The following C1orf87 variants were observed in gnomAD, a reference collection of about 807,000 sequenced individuals.
The protein encoded by C1orf87 is chromosome 1 open reading frame 87, also known as uncharacterized protein C1orf87.
Under a neutral mutation model 60.5 loss-of-function variants are expected in C1orf87, and 58 were observed. That is an observed-to-expected ratio of 0.96 (90% CI 0.78 to 1.19). C1orf87 has a LOEUF of 1.19. Among genes scored for constraint, C1orf87 ranks in the 50% most tolerant of loss-of-function variants. C1orf87 has a pLI of 0.00. For missense variants in C1orf87, 673 were observed against 638.6 expected (o/e 1.05, Z -0.58); for synonymous variants, 236 against 227.4 (o/e 1.04, Z -0.34).
At chr1:60,026,534 G>C (rs1176754031) in intron 7 of C1orf87, among the ~76,000 whole-genome samples, 1 of 151,408 alleles carries the variant, frequency 6.6e-6, no homozygotes, top group East Asian at 1.9e-4. Flanking sequence ...AGAAATGGAA[G>C]AAGGAAGAAG....
rs566987403 is a variant in C1orf87 at position 60,018,582 on chromosome 1, C to T, written c.1127+6819G>A. ...TACAGGTATAATGTGAGCTTTGATA[C>T]TTGCTTTTTCTTCCTTTAGATTGGT... is the stretch of plus-strand genomic sequence containing the variant. On this transcript the variant is annotated intron_variant, in intron 8 of 11. Transcript: ENST00000371201. Among the ~76,000 whole-genome samples the T allele has an allele frequency of 3.9e-5, 6 of 152,276 alleles. No individual in the cohort carries two copies. The South Asian group carries it at 1.2e-3, about 32-fold the overall frequency.
At position 60,055,428 on chromosome 1, in the gene C1orf87, C is replaced by A; in HGVS notation, c.118G>T (p.Asp40Tyr). Residue 40 changes from aspartate to tyrosine, a missense_variant, in exon 3 of 12, where the codon GAC (aspartate) becomes TAC (tyrosine). Coordinates refer to ENST00000371201, the MANE Select transcript of C1orf87 (RefSeq NM_152377.3). ...LVEKPKIKEN[D>Y]SLKTETQTMH... ...GTTTGGGTTTCTGTTTTCAAGCTGT[C>A]ATTCTCCTTGCTGTGAAGAAAGAAT... 1 of 1,613,860 alleles carries A rather than the reference C, an allele frequency of 6.2e-7. No homozygotes were observed. The highest frequency in any genetic ancestry group is 1.1e-5 in the South Asian group (1 of 91,062).
chr1:60,068,877 A>G (rs191241403), intron 2 of C1orf87, among the ~76,000 whole-genome samples: 8 of 152,286 alleles, frequency 5.3e-5, no homozygotes, highest in African/African-American at 9.6e-5. Flanking sequence ...CATGTTACTC[A>G]TCAGGATTGC....
chr1:60,056,763 A>G (rs1426297084), intron 2 of C1orf87, among the ~76,000 whole-genome samples: 3 of 152,232 alleles, frequency 2.0e-5, no homozygotes, highest in Admixed American at 6.5e-5. Context: ...ATAGGAAAAT[A>G]CTATTCTATA....
intron 8 of C1orf87, among the ~76,000 whole-genome samples, chr1:60,023,938 A>G (rs1298432158): frequency 1.3e-5 from 2 of 152,124 alleles, no homozygotes; most frequent in African/African-American, 4.8e-5. Context: ...GTTGCAGGGG[A>G]GAAGACATTG....
intron 11 of C1orf87, among the ~76,000 whole-genome samples, chr1:59,995,688 C>A (rs1644958945): frequency 6.6e-6 from 1 of 152,182 alleles, no homozygotes; most frequent in African/African-American, 2.4e-5. Flanking sequence ...AGCCTCATTT[C>A]ATACCTTCAC....
chr1:60,032,694 G>A (rs1026283908), intron 7 of C1orf87, among the ~76,000 whole-genome samples: 3 of 151,802 alleles, frequency 2.0e-5, no homozygotes, highest in African/African-American at 2.4e-5. Context: ...CTGCCTCGGC[G>A]TCCCAAAGTG....
Position 60,027,883 on chromosome 1 carries a change from C to T in C1orf87, c.1030-2385G>A, listed in dbSNP as rs150217875. ...ATATATTTTGACATTATCTGTTCTG[C>T]TATCATACCCCTTTCCAGGCTGGGC... On this transcript the variant is annotated intron_variant, in intron 7 of 11. Coordinates refer to ENST00000371201, the MANE Select transcript of C1orf87 (RefSeq NM_152377.3). Among the ~76,000 whole-genome samples, 7 of 152,244 alleles carry T rather than the reference C, an allele frequency of 4.6e-5. No homozygotes were observed. In the East Asian group the frequency reaches 1.4e-3, roughly 29 times the overall value.
chr1:59,998,445 T>C (rs1471670209), intron 10 of C1orf87, among the ~76,000 whole-genome samples: 2 of 131,056 alleles, frequency 1.5e-5, no homozygotes, highest in Non-Finnish European at 3.2e-5. Context: ...ATTGCCAGTA[T>C]AAAATAGAGG....
At chr1:60,009,307 G>A (rs954902408) in intron 9 of C1orf87, among the ~76,000 whole-genome samples, 1 of 150,094 alleles carries the variant, frequency 6.7e-6, no homozygotes, top group African/African-American at 2.4e-5. Flanking sequence ...GGAGGCCTGT[G>A]GCTGCTAGAA....
At chr1:60,040,512 A>C (rs1645314727) in intron 4 of C1orf87, among the ~76,000 whole-genome samples, 1 of 152,228 alleles carries the variant, frequency 6.6e-6, no homozygotes. Context: ...GACCCATTGC[A>C]GCTGGGAGTT....
intron 7 of C1orf87, among the ~76,000 whole-genome samples, chr1:60,027,340 C>T (rs1645205813): frequency 1.3e-5 from 2 of 152,284 alleles, no homozygotes; most frequent in South Asian, 4.1e-4. Context: ...TTATGCAAGC[C>T]AGCCAATCCT....
chr1:60,041,179 G>T, intron 3 of C1orf87, 48 bp from the exon 4 acceptor site: 4 of 1,427,982 alleles, frequency 2.8e-6, no homozygotes, highest in Non-Finnish European at 3.7e-6. Context: ...AGAGGAGGTA[G>T]GGAAGAGAAA....
At chr1:60,011,757 G>GTAAC (rs1166549409) in intron 8 of C1orf87, among the ~76,000 whole-genome samples, 1 of 152,012 alleles carries the variant, frequency 6.6e-6, no homozygotes, top group Non-Finnish European at 1.5e-5. Flanking sequence ...AGTTAAATAG[G>GTAAC]TAACTAGTTT....
chr1:60,052,361 T>C (rs1190365640), intron 3 of C1orf87, among the ~76,000 whole-genome samples: 1 of 152,194 alleles, frequency 6.6e-6, no homozygotes, highest in Non-Finnish European at 1.5e-5. Flanking sequence ...CATACGCATA[T>C]AAAGCAGAAT....
At chr1:60,028,079 G>A (rs971041252) in intron 7 of C1orf87, among the ~76,000 whole-genome samples, 1 of 152,160 alleles carries the variant, frequency 6.6e-6, no homozygotes, top group African/African-American at 2.4e-5. Context: ...ATGAATGCAT[G>A]AGCTGAATTC....
At chr1:60,010,907 TAAATAA>T (rs538153725) in intron 8 of C1orf87, 23,771 of 139,694 alleles carry the variant, frequency 0.17, 2,041 homozygotes, top group Non-Finnish European at 0.18. Flanking sequence ...AATAAATAAA[TAAATAA>T]AAACTGTCTC....
At chr1:60,073,187 AAGAC>A (rs1645595652) in intron 1 of C1orf87, among the ~76,000 whole-genome samples, 2 of 152,230 alleles carry the variant, frequency 1.3e-5, no homozygotes, top group African/African-American at 2.4e-5. Flanking sequence ...GACTGTACAC[AAGAC>A]AGACAGACTT....
intron 2 of C1orf87, among the ~76,000 whole-genome samples, chr1:60,067,464 C>T (rs1645554688): frequency 6.6e-6 from 1 of 151,598 alleles, no homozygotes; most frequent in Admixed American, 6.6e-5. Context: ...CTCTAATGAC[C>T]AGAGATGGTG....
Sources: gnomAD v4.1 joint callset for allele counts (sites outside exome capture counted in the v4.1 genomes callset) on GRCh38, gnomAD v4.1.1 for gene constraint, MANE v1.5 for transcripts, NCBI Gene and HGNC (gene_info 2026-07-23, HGNC 2026-07-21) for gene names.